Variants in ADAMTS17 observed in about 807,000 individuals in gnomAD.
ADAMTS17 encodes ADAM metallopeptidase with thrombospondin type 1 motif 17.
ADAMTS17 carries 113 observed loss-of-function variants against 141.5 expected under a neutral mutation model. The observed-to-expected ratio is 0.80, with a 90% CI of 0.69 to 0.93. ADAMTS17 has a LOEUF of 0.93. ADAMTS17 is among the 40% of genes least tolerant of loss of function. The pLI, the probability that ADAMTS17 is intolerant of heterozygous loss-of-function variation, is 0.00. For synonymous variants in ADAMTS17, 768 were observed against 630.6 expected (o/e 1.22, Z -3.27); for missense variants, 1,659 against 1,517.9 (o/e 1.09, Z -1.54).
intron 3 of ADAMTS17, among the ~76,000 whole-genome samples, chr15:100,323,590 A>T (rs1213081167): frequency 6.6e-6 from 1 of 152,220 alleles, no homozygotes; most frequent in Admixed American, 6.5e-5. Context: ...GGAAAAAGCA[A>T]TAGGAATAAA....
chr15:100,333,416 C>T (rs1596544648), intron 2 of ADAMTS17, among the ~76,000 whole-genome samples: 1 of 152,200 alleles, frequency 6.6e-6, no homozygotes, highest in East Asian at 1.9e-4. Flanking sequence ...CCTGATGCCT[C>T]AGCCCCTACT....
chr15:100,140,927 G>A (rs749427983), intron 10 of ADAMTS17, among the ~76,000 whole-genome samples: 4 of 152,122 alleles, frequency 2.6e-5, no homozygotes, highest in Non-Finnish European at 4.4e-5. Context: ...GGGCTTCAGC[G>A]ACACGTGATG....
chr15:100,040,736 T>C (rs189107283), intron 18 of ADAMTS17, among the ~76,000 whole-genome samples: 1 of 152,250 alleles, frequency 6.6e-6, no homozygotes, highest in Non-Finnish European at 1.5e-5. Context: ...GAATGTTTCT[T>C]AATTTAGATA....
chr15:100,230,281 C>T (rs760391357), intron 7 of ADAMTS17, among the ~76,000 whole-genome samples: 1 of 152,214 alleles, frequency 6.6e-6, no homozygotes, highest in Non-Finnish European at 1.5e-5. Flanking sequence ...AAAGAGAACT[C>T]CACATTCTAC....
chr15:99,974,463 C>G lies in ADAMTS17; in HGVS notation c.3227G>C (p.Cys1076Ser). The G allele has an allele frequency of 6.2e-7, 1 of 1,614,190 alleles. No individual in the cohort carries two copies. The highest frequency in any genetic ancestry group is 8.5e-7 in the Non-Finnish European group (1 of 1,180,044). Reference protein sequence around the residue: ...LCQDMRWYQRCCQTCRDFYAN... With the variant: ...LCQDMRWYQRSCQTCRDFYAN... The stretch of plus-strand genomic sequence containing the variant: ...ATAGAAGTCCCTGCAGGTCTGGCAG[C>G]AGCGCTGGTACCACCGCATGTCCTG... The change falls in exon 22 of 22, where the codon TGC (cysteine) becomes TCC (serine). Residue 1076 changes from cysteine (C) to serine (S), a missense_variant. Transcript: ENST00000268070.
chr15:100,018,865 C>T (rs1490345303), intron 18 of ADAMTS17, among the ~76,000 whole-genome samples: 1 of 152,188 alleles, frequency 6.6e-6, no homozygotes, highest in Non-Finnish European at 1.5e-5. Flanking sequence ...CCACATTTGG[C>T]CATGATGGGA....
intron 7 of ADAMTS17, among the ~76,000 whole-genome samples, chr15:100,225,473 T>C (rs773227125): frequency 6.6e-6 from 1 of 150,808 alleles, no homozygotes; most frequent in South Asian, 2.1e-4. Context: ...ATGCAGTCCT[T>C]ACAGCAGTCA....
chr15:100,288,680 G>A (rs1240607820), intron 3 of ADAMTS17, among the ~76,000 whole-genome samples: 1 of 152,128 alleles, frequency 6.6e-6, no homozygotes. Flanking sequence ...TGTCAGAACA[G>A]TGCAATAAAA....
At chr15:100,154,061 A>G (rs1182446895) in intron 9 of ADAMTS17, among the ~76,000 whole-genome samples, 2 of 152,018 alleles carry the variant, frequency 1.3e-5, no homozygotes, top group African/African-American at 4.8e-5. Context: ...CGTGCCGGTA[A>G]TCCCAGCTAC....
chr15:100,098,475 C>G (rs762493308), intron 14 of ADAMTS17, among the ~76,000 whole-genome samples: 1 of 151,898 alleles, frequency 6.6e-6, no homozygotes, highest in Non-Finnish European at 1.5e-5. Context: ...GGTGAAACCC[C>G]GTCTCTACTA....
chr15:100,312,833 G>A (rs1363817507), intron 3 of ADAMTS17, among the ~76,000 whole-genome samples: 3 of 151,514 alleles, frequency 2.0e-5, no homozygotes, highest in Non-Finnish European at 4.4e-5. Flanking sequence ...TGTACCAAAG[G>A]CCCTGTGACC....
chr15:100,141,385 G>A (rs917561153), intron 10 of ADAMTS17, among the ~76,000 whole-genome samples: 3 of 152,210 alleles, frequency 2.0e-5, no homozygotes, highest in African/African-American at 7.2e-5. Flanking sequence ...TCTGCTGAGG[G>A]TTTGGAGGGC....
intron 16 of ADAMTS17, among the ~76,000 whole-genome samples, chr15:100,053,323 C>T (rs1024618519): frequency 4.6e-5 from 7 of 152,136 alleles, no homozygotes; most frequent in Non-Finnish European, 7.4e-5. Flanking sequence ...GGTAAGACGG[C>T]GCCCTGGCCT....
intron 15 of ADAMTS17, among the ~76,000 whole-genome samples, chr15:100,061,544 G>A (rs2033125364): frequency 6.6e-6 from 1 of 152,216 alleles, no homozygotes; most frequent in East Asian, 1.9e-4. Flanking sequence ...TAAAGTGAAT[G>A]TGAGTGAAAG....
At chr15:100,160,897 A>C (rs1453687656) in intron 8 of ADAMTS17, among the ~76,000 whole-genome samples, 1 of 152,238 alleles carries the variant, frequency 6.6e-6, no homozygotes, top group Non-Finnish European at 1.5e-5. Flanking sequence ...ACTACTGTCT[A>C]GGCTATTTTT....
chr15:100,158,741 T>G (rs1342911732), intron 8 of ADAMTS17, among the ~76,000 whole-genome samples: 1 of 152,210 alleles, frequency 6.6e-6, no homozygotes, highest in Non-Finnish European at 1.5e-5. Flanking sequence ...GATTAAGTTT[T>G]AAAATATATA....
At position 100,094,920 on chromosome 15, in the gene ADAMTS17, C is replaced by T. The variant is rs555488377; in HGVS notation, c.2137+1436G>A. On this transcript the variant is annotated intron_variant, in intron 15 of 21. Coordinates refer to ENST00000268070, the MANE Select transcript of ADAMTS17 (RefSeq NM_139057.4). The stretch of plus-strand genomic sequence containing the variant: ...GGCAACGCTCTGGAGCTGTGCTGTC[C>T]AATAGAACCTTCTGGAATGCTGGGA... Among the ~76,000 whole-genome samples the T allele has an allele frequency of 2.6e-5, 4 of 152,298 alleles. No homozygotes were observed. In the South Asian group the frequency reaches 8.3e-4, roughly 32 times the overall value.
chr15:100,049,200 C>T (rs755325187), intron 17 of ADAMTS17, among the ~76,000 whole-genome samples: 4 of 152,084 alleles, frequency 2.6e-5, no homozygotes, highest in Non-Finnish European at 5.9e-5. Context: ...AGAGTGGGGC[C>T]CTGGAAGATT....
chr15:100,060,647 C>G (rs913145713), intron 15 of ADAMTS17, among the ~76,000 whole-genome samples: 1 of 152,256 alleles, frequency 6.6e-6, no homozygotes, highest in African/African-American at 2.4e-5. Context: ...ACCTGACCCA[C>G]AGTCAACCTA....
Sources: allele counts gnomAD v4.1 joint callset (sites outside exome capture counted in the v4.1 genomes callset), GRCh38; gene constraint gnomAD v4.1.1; transcripts MANE v1.5; gene names NCBI Gene and HGNC (gene_info 2026-07-23, HGNC 2026-07-21).